MEAF6: variants seen among roughly 807,000 people sequenced by gnomAD.
The protein encoded by MEAF6 is chromatin modification-related protein MEAF6.
In MEAF6, 15 loss-of-function variants were observed where a neutral mutation model predicts 28.9. The observed-to-expected ratio is 0.52, with a 90% CI of 0.35 to 0.80. The LOEUF (loss-of-function observed/expected upper bound fraction) is 0.80. Ranked by LOEUF, MEAF6 falls within the 30% of genes least tolerant of loss-of-function variation. The pLI, the probability that MEAF6 is intolerant of heterozygous loss-of-function variation, is 0.01. For synonymous variants in MEAF6, 97 were observed against 88.7 expected (o/e 1.09, Z -0.53); for missense variants, 178 against 237.5 (o/e 0.75, Z 1.65).
At chr1:37,514,389 C>G (rs1286441689) in intron 1 of MEAF6, 1 of 249,132 alleles carries the variant, frequency 4.0e-6, no homozygotes, top group African/African-American at 2.3e-5. Flanking sequence ...GGCCCCGGCA[C>G]CGTCCTCCCT....
rs1245692895 is a variant in MEAF6 at position 37,492,115 on chromosome 1, G to T, written c.*1984C>A. Among the ~76,000 whole-genome samples the T allele has an allele frequency of 6.6e-6, 1 of 151,568 alleles. No homozygotes were observed. The highest frequency in any genetic ancestry group is 1.5e-5 in the Non-Finnish European group (1 of 67,958). ...ACTATCTCAGCTCACTGTAAGCTCC[G>T]CCTCCCAGGTTCATGCCATTCTCCT... On this transcript the variant is annotated 3_prime_UTR_variant, in exon 7 of 7. Transcript: ENST00000296214.
At chr1:37,509,629 G>C (rs1193144566) in intron 2 of MEAF6, 87 bp from the exon 3 acceptor site, 2 of 1,189,300 alleles carry the variant, frequency 1.7e-6, no homozygotes, top group African/African-American at 3.1e-5. Context: ...TTCCATGCAG[G>C]AAGCTTCCAT....
At chr1:37,494,130 C>T (rs1400066474) in intron 6 of MEAF6, 23 bp from the exon 7 acceptor site, 1 of 1,601,316 alleles carries the variant, frequency 6.2e-7, no homozygotes, top group Admixed American at 1.7e-5. Context: ...AAACAAAAGT[C>T]CCAACTTACT....
chr1:37,490,513 C>A lies in MEAF6; in HGVS notation c.*3586G>T, dbSNP rs114002181. Among the ~76,000 whole-genome samples, 765 of 152,226 alleles carry A rather than the reference C, an allele frequency of 5.0e-3. 4 individuals carry two copies. Among genetic ancestry groups the A allele is most frequent in the African/African-American group, 0.018 (745 of 41,538 alleles). Reference sequence around the variant, plus strand: ...CACACTTCACATAAACCAGTATAGTCCCCCTGTAGTCAAGGCTTCAGATGT... The same window carrying A: ...CACACTTCACATAAACCAGTATAGTACCCCTGTAGTCAAGGCTTCAGATGT... On this transcript the variant is annotated 3_prime_UTR_variant, in exon 7 of 7. Coordinates refer to ENST00000296214, the MANE Select transcript of MEAF6 (RefSeq NM_001270875.3).
At chr1:37,505,212 T>C (rs1363687149) in intron 4 of MEAF6, among the ~76,000 whole-genome samples, 1 of 152,162 alleles carries the variant, frequency 6.6e-6, no homozygotes, top group Non-Finnish European at 1.5e-5. Flanking sequence ...GGTCTTCATA[T>C]TATAATCTGC....
chr1:37,495,374 A>AAAGT (rs1642085230), intron 6 of MEAF6, among the ~76,000 whole-genome samples: 1 of 149,400 alleles, frequency 6.7e-6, no homozygotes, highest in Non-Finnish European at 1.5e-5. Context: ...ATAAATAAAT[A>AAAGT]AATAAAGTAT....
At position 37,493,863 on chromosome 1, in the gene MEAF6, T is replaced by A. The variant is rs1390865490; in HGVS notation, c.*236A>T. Reference sequence around the variant, plus strand: ...TAGCAACTTGCTGGGATTACAACATTGTCTTCATCTTCCTGCAGTTCTGTT... The same window carrying A: ...TAGCAACTTGCTGGGATTACAACATAGTCTTCATCTTCCTGCAGTTCTGTT... On this transcript the variant is annotated 3_prime_UTR_variant, in exon 7 of 7. Transcript: ENST00000296214. 3.2e-6 allele frequency: 5 copies of A among 1,554,686 alleles called. No homozygotes were observed. The Admixed American group carries it at 1.0e-4, about 32-fold the overall frequency.
At chr1:37,506,141 C>T (rs1363867117) in intron 4 of MEAF6, among the ~76,000 whole-genome samples, 1 of 151,970 alleles carries the variant, frequency 6.6e-6, no homozygotes, top group Non-Finnish European at 1.5e-5. Context: ...CATGGTGGCG[C>T]GTGCCTGTCG....
chr1:37,491,415 GA>G lies in MEAF6; in HGVS notation c.*2683del, dbSNP rs1557600652. Among the ~76,000 whole-genome samples, 1 of 152,372 alleles carries G rather than the reference GA, an allele frequency of 6.6e-6. No individual in the cohort carries two copies. Among genetic ancestry groups the G allele is most frequent in the East Asian group, 1.9e-4 (1 of 5,190 alleles). On this transcript the variant is annotated 3_prime_UTR_variant, in exon 7 of 7. Coordinates refer to ENST00000296214, the MANE Select transcript of MEAF6 (RefSeq NM_001270875.3). ...AGCTACTGGGGAGGCTGAGGCAGGA[GA>G]ATTGCTTGATACCTATAATCCCAGC...
In MEAF6 at chr1:37,506,658, T is replaced by TACTTA. The variant is rs1347545120; in HGVS notation, c.340+2619_340+2620insTAAGT. On this transcript the variant is annotated intron_variant, in intron 4 of 6. Coordinates refer to ENST00000296214, the MANE Select transcript of MEAF6 (RefSeq NM_001270875.3). ...TCGGCCTCCCAAAGTGCTGGAATTT[T>TACTTA]AAGTGTGAGCCATCTCGCCAGCCTT... Among the ~76,000 whole-genome samples, 6 of 152,312 alleles carry TACTTA rather than the reference T, an allele frequency of 3.9e-5. No individual in the cohort carries two copies. The East Asian group carries it at 1.2e-3, about 29-fold the overall frequency.
intron 6 of MEAF6, among the ~76,000 whole-genome samples, chr1:37,495,333 A>T (rs372721480): frequency 7.2e-6 from 1 of 138,458 alleles, no homozygotes; most frequent in Admixed American, 7.5e-5. Context: ...TCCGTCTCAA[A>T]AAATAAATAA....
chr1:37,511,737 A>G (rs1642677335), intron 2 of MEAF6, among the ~76,000 whole-genome samples: 3 of 152,210 alleles, frequency 2.0e-5, no homozygotes, highest in African/African-American at 7.2e-5. Flanking sequence ...TGCCCTCAGA[A>G]AATCTCAGGA....
chr1:37,494,488 C>A (rs2148059004), intron 6 of MEAF6, among the ~76,000 whole-genome samples: 1 of 128,764 alleles, frequency 7.8e-6, no homozygotes, highest in South Asian at 2.4e-4. Flanking sequence ...GCACTCCAGC[C>A]TGGGTGACAA....
intron 5 of MEAF6, chr1:37,496,688 T>C: frequency 1.3e-6 from 2 of 1,588,074 alleles, no homozygotes; most frequent in Non-Finnish European, 1.7e-6. Context: ...GCACAAATAC[T>C]AATTCAAATC....
intron 5 of MEAF6, among the ~76,000 whole-genome samples, chr1:37,500,210 C>T (rs987399513): frequency 1.3e-5 from 2 of 151,990 alleles, no homozygotes; most frequent in Non-Finnish European, 2.9e-5. Flanking sequence ...GCAGGAGAAT[C>T]GTTTGAACCC....
At chr1:37,494,816 G>A (rs1043927981) in intron 6 of MEAF6, among the ~76,000 whole-genome samples, 2 of 151,810 alleles carry the variant, frequency 1.3e-5, no homozygotes, top group East Asian at 3.9e-4. Context: ...GGGTGACAGA[G>A]CCAGACCCTG....
At chr1:37,505,170 C>G (rs1411910218) in intron 4 of MEAF6, among the ~76,000 whole-genome samples, 1 of 152,194 alleles carries the variant, frequency 6.6e-6, no homozygotes, top group African/African-American at 2.4e-5. Context: ...AGGCATGAGC[C>G]ACCGTATCTG....
Position 37,514,742 on chromosome 1 carries a change from G to C in MEAF6, c.5C>G (p.Ala2Gly). 6.7e-7 allele frequency: 1 copy of C among 1,503,216 alleles called. No homozygotes were observed. The highest frequency in any genetic ancestry group is 8.9e-7 in the Non-Finnish European group (1 of 1,129,482). 93.1% of individuals were successfully genotyped at this position (1,503,216 alleles called of 1,614,324 possible). ...CGGCGGCGCCGCCTTGTTGTGCATC[G>C]CCATGTTGGGCTGAGGCGGGCGGCG... M[A>G]MHNKAAPPQI... The change falls in exon 1 of 7, where the codon GCG (alanine) becomes GGG (glycine). Residue 2 changes from alanine (A) to glycine (G), a missense_variant. Around this residue, in one of 2 missense-constraint regions of MEAF6, gnomAD observed 54 missense variants for 37.0 expected, o/e 1.46. Coordinates refer to ENST00000296214, the MANE Select transcript of MEAF6 (RefSeq NM_001270875.3).
intron 5 of MEAF6, among the ~76,000 whole-genome samples, chr1:37,498,716 C>CCACA (rs1278258659): frequency 6.6e-6 from 1 of 151,960 alleles, no homozygotes; most frequent in African/African-American, 2.4e-5. Flanking sequence ...CAGGTATGAG[C>CCACA]CACAGCACCT....
Sources: allele counts gnomAD v4.1 joint callset (sites outside exome capture counted in the v4.1 genomes callset), GRCh38; gene constraint gnomAD v4.1.1; regional missense constraint gnomAD v4.1.1; transcripts MANE v1.5; gene names NCBI Gene and HGNC (gene_info 2026-07-23, HGNC 2026-07-21).